The following ELMO1 variants were observed in gnomAD, a reference collection of about 807,000 sequenced individuals.
ELMO1 encodes the protein engulfment and cell motility 1, also known as engulfment and cell motility protein 1.
A neutral mutation model predicts 98.9 loss-of-function variants in ELMO1; 26 were observed. The ratio of observed to expected loss-of-function variants is 0.26; its 90% confidence interval spans 0.19 to 0.36. The LOEUF is 0.36. ELMO1 is among the 10% of genes least tolerant of loss of function. The pLI, the probability that ELMO1 is intolerant of heterozygous loss-of-function variation, is 1.00. For missense variants in ELMO1, 627 were observed against 935.2 expected, an observed-to-expected ratio of 0.67 and a Z score of 4.30; for synonymous variants, 346 against 346.0, an observed-to-expected ratio of 1.00 and a Z score of 0.00.
At chr7:37,394,348 T>C (rs1002593346) in intron 1 of ELMO1, among the ~76,000 whole-genome samples, 7 of 152,140 alleles carry the variant, frequency 4.6e-5, no homozygotes, top group Admixed American at 2.6e-4. Context: ...GTGAGCTAAG[T>C]TGAGTGACAG....
intron 1 of ELMO1, among the ~76,000 whole-genome samples, chr7:37,350,825 G>A (rs1801229856): frequency 6.6e-6 from 1 of 152,198 alleles, no homozygotes; most frequent in South Asian, 2.1e-4. Context: ...TTAAGAGGAG[G>A]AAATCTGAAC....
rs183749052 is a variant in ELMO1 at position 37,190,067 on chromosome 7, T to C, written c.1086+21319A>G. 2.7e-3 allele frequency among the ~76,000 whole-genome samples: 370 copies of C among 139,020 alleles called. 1 individual carries two copies. Among genetic ancestry groups the C allele is most frequent in the African/African-American group, 9.5e-3 (361 of 38,102 alleles). The allele number at this position is 139,020 out of a possible 152,430, so 91.2% of individuals were successfully genotyped here. A position where few individuals can be genotyped will look rare whatever the true frequency, so the allele number is the denominator to read the frequency against. On this transcript the variant is annotated intron_variant, in intron 13 of 21. Transcript: ENST00000310758. ...AAAAAAAAAAAAAAGGAAGAAGAAA[T>C]GATATTTAGCAGAAATTCTTATACT... is the stretch of plus-strand genomic sequence containing the variant.
At chr7:37,265,445 C>T (rs1391978179) in intron 5 of ELMO1, among the ~76,000 whole-genome samples, 2 of 152,074 alleles carry the variant, frequency 1.3e-5, no homozygotes, top group Admixed American at 1.3e-4. Flanking sequence ...TTCCCTACAG[C>T]TACTTCCTCA....
chr7:37,439,724 G>C (rs1358704948), intron 1 of ELMO1, among the ~76,000 whole-genome samples: 1 of 152,130 alleles, frequency 6.6e-6, no homozygotes, highest in East Asian at 1.9e-4. Context: ...ATAAACCCAA[G>C]CAAATGTTTC....
chr7:36,867,108 G>C (rs945941405), intron 20 of ELMO1, among the ~76,000 whole-genome samples: 1 of 152,122 alleles, frequency 6.6e-6, no homozygotes, highest in South Asian at 2.1e-4. Flanking sequence ...CTAGAAATAC[G>C]GGCCAGTGAG....
At chr7:37,153,862 C>T (rs1386982948) in intron 13 of ELMO1, among the ~76,000 whole-genome samples, 1 of 152,164 alleles carries the variant, frequency 6.6e-6, no homozygotes, top group Non-Finnish European at 1.5e-5. Context: ...CAAGCAGGTC[C>T]CTGACCCCCG....
chr7:37,228,265 AATGGACAC>A (rs1190641301), intron 8 of ELMO1, among the ~76,000 whole-genome samples: 1 of 152,256 alleles, frequency 6.6e-6, no homozygotes. Context: ...TAAATTAGTT[AATGGACAC>A]ATGTCTCTAC....
chr7:36,884,346 G>A (rs1008018471), intron 18 of ELMO1, among the ~76,000 whole-genome samples: 14 of 151,700 alleles, frequency 9.2e-5, no homozygotes, highest in East Asian at 3.9e-4. Context: ...ATTCTGAGGC[G>A]CTACGAGCTA....
intron 15 of ELMO1, among the ~76,000 whole-genome samples, chr7:37,077,553 G>A (rs1290000129): frequency 6.6e-6 from 1 of 152,232 alleles, no homozygotes; most frequent in Non-Finnish European, 1.5e-5. Context: ...GCGGATTGGA[G>A]GAGGCAAGTA....
chr7:36,930,619 T>C (rs867183547), intron 16 of ELMO1, among the ~76,000 whole-genome samples: 45 of 152,318 alleles, frequency 3.0e-4, no homozygotes, highest in African/African-American at 8.2e-4. Flanking sequence ...CCCTCTAAGA[T>C]AGGATAAAAT....
At chr7:36,943,904 C>T (rs564401350) in intron 16 of ELMO1, among the ~76,000 whole-genome samples, 48 of 152,252 alleles carry the variant, frequency 3.2e-4, no homozygotes, top group African/African-American at 1.1e-3. Context: ...TAGACAGGGT[C>T]TGCACAATCC....
chr7:37,299,218 G>A (rs1164581373), intron 4 of ELMO1, among the ~76,000 whole-genome samples: 1 of 33,946 alleles, frequency 2.9e-5, no homozygotes, highest in East Asian at 6.2e-4. Flanking sequence ...TTTGTCAGAT[G>A]AGTAGGTTGT....
At chr7:36,896,688 T>G (rs1055623475) in intron 16 of ELMO1, among the ~76,000 whole-genome samples, 1 of 152,184 alleles carries the variant, frequency 6.6e-6, no homozygotes, top group Non-Finnish European at 1.5e-5. Context: ...TTGTTTTTTT[T>G]TTTTAACTTA....
intron 15 of ELMO1, among the ~76,000 whole-genome samples, chr7:37,058,068 G>T (rs1258064122): frequency 6.6e-6 from 1 of 152,210 alleles, no homozygotes; most frequent in Non-Finnish European, 1.5e-5. Flanking sequence ...ACACACATGT[G>T]TGCACAGAGG....
intron 14 of ELMO1, among the ~76,000 whole-genome samples, chr7:37,102,083 G>C (rs1784677931): frequency 6.6e-6 from 1 of 152,086 alleles, no homozygotes; most frequent in South Asian, 2.1e-4. Context: ...TGTCCCCTTA[G>C]GAATAGTATC....
At chr7:37,210,636 C>T (rs1371058701) in intron 13 of ELMO1, among the ~76,000 whole-genome samples, 1 of 150,938 alleles carries the variant, frequency 6.6e-6, no homozygotes, top group Non-Finnish European at 1.5e-5. Context: ...ATATTTTTTT[C>T]CAAGGAAAGA....
At chr7:37,290,583 G>A (rs1393113419) in intron 4 of ELMO1, among the ~76,000 whole-genome samples, 1 of 152,058 alleles carries the variant, frequency 6.6e-6, no homozygotes, top group Non-Finnish European at 1.5e-5. Flanking sequence ...AAAATTCTGA[G>A]GTACCTAGGC....
At chr7:37,017,244 C>T (rs750607229) in intron 15 of ELMO1, among the ~76,000 whole-genome samples, 7 of 152,156 alleles carry the variant, frequency 4.6e-5, no homozygotes, top group Non-Finnish European at 7.3e-5. Flanking sequence ...CTGAACCAAC[C>T]CTTTTTTCTT....
intron 6 of ELMO1, among the ~76,000 whole-genome samples, chr7:37,248,653 G>GTT (rs1462979603): frequency 6.6e-6 from 1 of 152,246 alleles, no homozygotes; most frequent in Non-Finnish European, 1.5e-5. Context: ...CACAGCTGGG[G>GTT]TTGACTGCAG....
Sources: allele counts gnomAD v4.1 joint callset (sites outside exome capture counted in the v4.1 genomes callset), GRCh38; gene constraint gnomAD v4.1.1; transcripts MANE v1.5; gene names NCBI Gene and HGNC (gene_info 2026-07-23, HGNC 2026-07-21).